Variants in CALHM1 observed in about 807,000 individuals in gnomAD.
The protein encoded by CALHM1 is calcium homeostasis modulator 1, also known as calcium homeostasis modulator protein 1.
Under a neutral mutation model 14.8 loss-of-function variants are expected in CALHM1, and 11 were observed. That is an observed-to-expected ratio of 0.74 (90% CI 0.47 to 1.23). The LOEUF (loss-of-function observed/expected upper bound fraction) is 1.23, where lower values mean the gene tolerates loss of function less well. Ranked by LOEUF, CALHM1 falls within the 50% of genes most tolerant of loss-of-function variation. The pLI is 0.00. For missense variants in CALHM1, 458 were observed against 496.4 expected (o/e 0.92, Z 0.74); for synonymous variants, 215 against 218.9 (o/e 0.98, Z 0.16).
At position 103,458,080 on chromosome 10, in the gene CALHM1, A is replaced by C. The variant is rs561838640; in HGVS notation, c.555+117T>G. The stretch of plus-strand genomic sequence containing the variant: ...AGCCTCAGTTGGGAAGATGCCCCCC[A>C]CACCTCGGAGCTCCACCTGAGCAGA... On this transcript the variant is annotated intron_variant, in intron 1 of 1. Coordinates refer to ENST00000329905, the MANE Select transcript of CALHM1 (RefSeq NM_001001412.4). The surrounding 1 kb of genome is among the most constrained non-coding windows in gnomAD (Gnocchi z 4.9). 4 of 1,242,944 alleles carry C rather than the reference A, an allele frequency of 3.2e-6. No individual in the cohort carries two copies. The East Asian group carries it at 7.0e-5, about 22-fold the overall frequency. The allele number at this position is 1,242,944 out of a possible 1,614,324, so 77.0% of individuals were successfully genotyped here.
At chr10:103,457,430 G>A (rs561574028) in intron 1 of CALHM1, among the ~76,000 whole-genome samples, 56 of 152,390 alleles carry the variant, frequency 3.7e-4, no homozygotes, top group Non-Finnish European at 1.5e-4. Context: ...AGAGTGGGAA[G>A]CCAGGGGTGT....
In CALHM1 at chr10:103,455,114, C is replaced by T; in HGVS notation, c.*148G>A. 1.6e-6 allele frequency: 2 copies of T among 1,234,304 alleles called. No homozygotes were observed. The highest frequency in any genetic ancestry group is 1.1e-6 in the Non-Finnish European group (1 of 915,972). The allele number at this position is 1,234,304 out of a possible 1,614,324, so 76.5% of individuals were successfully genotyped here. ...CCCCTTCCAGCTCCAAATTTCCTGC[C>T]TCCAATGGGCAGGCGAGTGCTAGGG... On this transcript the variant is annotated 3_prime_UTR_variant, in exon 2 of 2. Transcript: ENST00000329905.
Position 103,455,551 on chromosome 10 carries a change from A to C in CALHM1, c.752T>G (p.Phe251Cys). 5 of 1,613,988 alleles carry C rather than the reference A, an allele frequency of 3.1e-6. No individual in the cohort carries two copies. The highest frequency in any genetic ancestry group is 2.2e-5 in the South Asian group (2 of 91,088). ...AFAKVCIQQF[F>C]EAMNHDLELG... ...CTCCAGGTCATGGTTCATGGCCTCG[A>C]AGAACTGCTGGATGCAGACCTTGGC... Residue 251 changes from phenylalanine (F) to cysteine (C), a missense_variant, in exon 2 of 2, where the codon TTC (phenylalanine) becomes TGC (cysteine). By Grantham distance (205) the Phe-to-Cys change is radical. Transcript: ENST00000329905.
Position 103,455,200 on chromosome 10 carries a change from T to G in CALHM1, c.*62A>C. The stretch of plus-strand genomic sequence containing the variant: ...TGAAACCCTTCCTTTTTCCACCTGG[T>G]TTGGGGGTTGGAGGGGCTGTGGGCT... On this transcript the variant is annotated 3_prime_UTR_variant, in exon 2 of 2. Transcript: ENST00000329905. 6.7e-7 allele frequency: 1 copy of G among 1,497,662 alleles called. No homozygotes were observed. Among genetic ancestry groups the G allele is most frequent in the Non-Finnish European group, 8.9e-7 (1 of 1,121,450 alleles). The allele number at this position is 1,497,662 out of a possible 1,614,324, so 92.8% of individuals were successfully genotyped here. A position where few individuals can be genotyped will look rare whatever the true frequency, so the allele number is the denominator to read the frequency against.
At position 103,455,026 on chromosome 10, in the gene CALHM1, A is replaced by G; in HGVS notation, c.*236T>C. The G allele has an allele frequency of 1.6e-6, 1 of 606,986 alleles. No homozygotes were observed. The highest frequency in any genetic ancestry group is 2.8e-6 in the Non-Finnish European group (1 of 351,950). 37.6% of individuals were successfully genotyped at this position (606,986 alleles called of 1,614,324 possible). On this transcript the variant is annotated 3_prime_UTR_variant, in exon 2 of 2. Coordinates refer to ENST00000329905, the MANE Select transcript of CALHM1 (RefSeq NM_001001412.4). ...ACAGTTCCGACCCCTTTAGACTAAT[A>G]CTGCTCATGGGCCCACTGCCCTAGG...
chr10:103,458,843 A>G lies in CALHM1; in HGVS notation c.-92T>C. ...ACCCTGCCCACTGGGTGCCCACCTC[A>G]TGACTCGGGCTCTCCTGGCTGGGAC... On this transcript the variant is annotated 5_prime_UTR_variant, in exon 1 of 2. It removes an upstream start codon present in the reference 5' UTR. Transcript: ENST00000329905. This position sits in a 1 kb window ranked among gnomAD's most constrained non-coding sequence, Gnocchi z 4.9. 1 of 1,323,610 alleles carries G rather than the reference A, an allele frequency of 7.6e-7. No homozygotes were observed. 82.0% of individuals were successfully genotyped at this position (1,323,610 alleles called of 1,614,324 possible).
rs1293698220 is a variant in CALHM1, at chr10:103,453,876, AAATAATT to A, written c.*1379_*1385del. ...CACAAAGATCTGAGCAACTCCTCCC[AAATAATT>A]AAGAGGAGGGAAACTGGACCCCAGA... is the stretch of plus-strand genomic sequence containing the variant. On this transcript the variant is annotated 3_prime_UTR_variant, in exon 2 of 2. Coordinates refer to ENST00000329905, the MANE Select transcript of CALHM1 (RefSeq NM_001001412.4). 1.3e-5 allele frequency: 2 copies of A among 152,172 alleles called. No individual in the cohort carries two copies. Among genetic ancestry groups the A allele is most frequent in the Non-Finnish European group, 2.9e-5 (2 of 68,052 alleles). 9.4% of individuals were successfully genotyped at this position (152,172 alleles called of 1,614,324 possible).
intron 1 of CALHM1, among the ~76,000 whole-genome samples, chr10:103,457,280 G>A (rs955559156): frequency 3.9e-5 from 6 of 152,254 alleles, no homozygotes; most frequent in East Asian, 3.9e-4. Context: ...GGCCGGGGAC[G>A]ATGGGATGAG....
At chr10:103,455,874 C>CCAA in intron 1 of CALHM1, 127 bp from the exon 2 acceptor site, 1 of 1,151,634 alleles carries the variant, frequency 8.7e-7, no homozygotes, top group East Asian at 2.6e-5. Context: ...GTGAGCTTGC[C>CCAA]TCTTGGCCTC....
chr10:103,458,839 C>T lies in CALHM1; in HGVS notation c.-88G>A, dbSNP rs975671387. 8 of 1,360,420 alleles carry T rather than the reference C, an allele frequency of 5.9e-6. No homozygotes were observed. Among genetic ancestry groups the T allele is most frequent in the Middle Eastern group, 2.0e-4 (1 of 4,940 alleles). The allele number at this position is 1,360,420 out of a possible 1,614,324, so 84.3% of individuals were successfully genotyped here. A position where few individuals can be genotyped will look rare whatever the true frequency, so the allele number is the denominator to read the frequency against. ...GCCCACCCTGCCCACTGGGTGCCCA[C>T]CTCATGACTCGGGCTCTCCTGGCTG... On this transcript the variant is annotated 5_prime_UTR_variant, in exon 1 of 2. In the 5' UTR this introduces an upstream ATG that the reference lacks. Transcript: ENST00000329905. The surrounding 1 kb of genome is among the most constrained non-coding windows in gnomAD (Gnocchi z 4.9).
intron 1 of CALHM1, among the ~76,000 whole-genome samples, chr10:103,457,455 G>A (rs1043484827): frequency 1.3e-5 from 2 of 152,260 alleles, no homozygotes; most frequent in East Asian, 1.9e-4. Flanking sequence ...ACTTGCCAGG[G>A]CAGAGTGTGC....
Position 103,455,171 on chromosome 10 carries a change from G to C in CALHM1, c.*91C>G. 1 of 1,463,352 alleles carries C rather than the reference G, an allele frequency of 6.8e-7. No individual in the cohort carries two copies. The highest frequency in any genetic ancestry group is 9.0e-7 in the Non-Finnish European group (1 of 1,104,990). 90.6% of individuals were successfully genotyped at this position (1,463,352 alleles called of 1,614,324 possible). A position where few individuals can be genotyped will look rare whatever the true frequency, so the allele number is the denominator to read the frequency against. On this transcript the variant is annotated 3_prime_UTR_variant, in exon 2 of 2. Coordinates refer to ENST00000329905, the MANE Select transcript of CALHM1 (RefSeq NM_001001412.4). ...GATCTGCCTAGGGGAGTACTGCCCA[G>C]CACTGAAACCCTTCCTTTTTCCACC...
chr10:103,455,004 G>C lies in CALHM1; in HGVS notation c.*258C>G. The C allele has an allele frequency of 1.8e-6, 1 of 551,910 alleles. No individual in the cohort carries two copies. The highest frequency in any genetic ancestry group is 2.6e-5 in the South Asian group (1 of 38,056). 34.2% of individuals were successfully genotyped at this position (551,910 alleles called of 1,614,324 possible). A position where few individuals can be genotyped will look rare whatever the true frequency, so the allele number is the denominator to read the frequency against. On this transcript the variant is annotated 3_prime_UTR_variant, in exon 2 of 2. Coordinates refer to ENST00000329905, the MANE Select transcript of CALHM1 (RefSeq NM_001001412.4). ...ATTGGTCCCTGTACCTGCCATGACA[G>C]TTCCGACCCCTTTAGACTAATACTG...
In CALHM1 at chr10:103,458,497, C is replaced by T. The variant is rs4918016; in HGVS notation, c.255G>A (p.Pro85=). Residue 85 remains proline (P), a synonymous_variant, in exon 1 of 2, where the codon CCG becomes CCA. Coordinates refer to ENST00000329905, the MANE Select transcript of CALHM1 (RefSeq NM_001001412.4). The surrounding 1 kb of genome is among the most constrained non-coding windows in gnomAD (Gnocchi z 4.9). ...VSMLAEEWKR[P]LGRRAKDPAV... ...CGGGGTCCTTGGCCCGGCGGCCCAG[C>T]GGCCGCTTCCACTCTTCGGCCAGCA... The T allele has an allele frequency of 0.33, 532,581 of 1,612,786 alleles. 89,747 individuals carry two copies. Among genetic ancestry groups the T allele is most frequent in the East Asian group, 0.47 (20,846 of 44,826 alleles).
chr10:103,458,335 GC>G lies in CALHM1; in HGVS notation c.416del (p.Gly139AlafsTer56). 6.2e-7 allele frequency: 1 copy of G among 1,610,868 alleles called. No homozygotes were observed. Among genetic ancestry groups the G allele is most frequent in the Non-Finnish European group, 8.5e-7 (1 of 1,178,780 alleles). ...FCTAVPVSAL[G>X]NGSLAPGLPA... ...GAAGGCCGGGTGCCAGGCTGCCGTT[GC>G]CCAGTGCGCTCACGGGCACGGCAGT... On this transcript the variant is annotated frameshift_variant, in exon 1 of 2. Coordinates refer to ENST00000329905, the MANE Select transcript of CALHM1 (RefSeq NM_001001412.4). LOFTEE classifies it high-confidence loss of function. This position sits in a 1 kb window ranked among gnomAD's most constrained non-coding sequence, Gnocchi z 4.9.
At chr10:103,455,967 A>T (rs1411925668) in intron 1 of CALHM1, among the ~76,000 whole-genome samples, 1 of 152,218 alleles carries the variant, frequency 6.6e-6, no homozygotes, top group Non-Finnish European at 1.5e-5. Flanking sequence ...ACGTGGGTAA[A>T]GCACCCACCG....
intron 1 of CALHM1, among the ~76,000 whole-genome samples, chr10:103,456,295 C>A (rs2033149887): frequency 6.6e-6 from 1 of 152,208 alleles, no homozygotes; most frequent in South Asian, 2.1e-4. Flanking sequence ...TTGATCTCCC[C>A]AGGCCATAGT....
rs2033190752 is a variant in CALHM1 at position 103,458,855 on chromosome 10, C to T, written c.-104G>A. Reference sequence around the variant, plus strand: ...GGGTGCCCACCTCATGACTCGGGCTCTCCTGGCTGGGACCAACAGAGCTCA... The same window carrying T: ...GGGTGCCCACCTCATGACTCGGGCTTTCCTGGCTGGGACCAACAGAGCTCA... On this transcript the variant is annotated 5_prime_UTR_variant, in exon 1 of 2. Coordinates refer to ENST00000329905, the MANE Select transcript of CALHM1 (RefSeq NM_001001412.4). The surrounding 1 kb of genome is among the most constrained non-coding windows in gnomAD (Gnocchi z 4.9). 4.9e-6 allele frequency: 6 copies of T among 1,218,056 alleles called. No individual in the cohort carries two copies. Among genetic ancestry groups the T allele is most frequent in the Non-Finnish European group, 6.7e-6 (6 of 892,028 alleles). The allele number at this position is 1,218,056 out of a possible 1,614,324, so 75.5% of individuals were successfully genotyped here.
At chr10:103,456,493 C>A (rs1257181712) in intron 1 of CALHM1, among the ~76,000 whole-genome samples, 1 of 152,382 alleles carries the variant, frequency 6.6e-6, no homozygotes, top group East Asian at 1.9e-4. Flanking sequence ...TCTGTCACCT[C>A]ACTGCAGGGC....
Sources: gnomAD v4.1 joint callset for allele counts (sites outside exome capture counted in the v4.1 genomes callset) on GRCh38, gnomAD v4.1.1 for gene constraint, Gnocchi (gnomAD v3.1) non-coding constraint, MANE v1.5 for transcripts, NCBI Gene and HGNC (gene_info 2026-07-23, HGNC 2026-07-21) for gene names.